The following CSMD1 variants were observed in gnomAD, a reference collection of about 807,000 sequenced individuals.
CSMD1 encodes CUB and sushi domain-containing protein 1.
CSMD1 carries 213 observed loss-of-function variants against 417.5 expected under a neutral mutation model. The observed-to-expected ratio is 0.51, with a 90% CI of 0.46 to 0.57. CSMD1 has a LOEUF of 0.57. CSMD1 is among the 20% of genes least tolerant of loss of function. CSMD1 has a pLI of 0.00. For synonymous variants in CSMD1, 2,862 were observed against 1,736.8 expected (o/e 1.65, Z -16.11); for missense variants, 6,923 against 4,529.7 (o/e 1.53, Z -15.17).
At chr8:4,420,191 T>G (rs1046196332) in intron 2 of CSMD1, 126 bp from the exon 3 acceptor site, 7 of 581,768 alleles carry the variant, frequency 1.2e-5, no homozygotes, top group Admixed American at 5.2e-5. Flanking sequence ...ATTAAACACT[T>G]AGATAATCCA....
At chr8:4,001,189 A>C (rs570679608) in intron 4 of CSMD1, among the ~76,000 whole-genome samples, 2 of 152,350 alleles carry the variant, frequency 1.3e-5, no homozygotes, top group African/African-American at 2.4e-5. Flanking sequence ...CATAGAATAC[A>C]AGTGTATAGA....
At chr8:3,873,374 TA>T (rs375696819) in intron 5 of CSMD1, among the ~76,000 whole-genome samples, 3,087 of 150,830 alleles carry the variant, frequency 0.02, 131 homozygotes, top group African/African-American at 0.071. Flanking sequence ...TATCAAGACA[TA>T]AAAAAAAATG....
intron 4 of CSMD1, among the ~76,000 whole-genome samples, chr8:4,016,637 C>T (rs1348098810): frequency 6.6e-6 from 1 of 152,200 alleles, no homozygotes; most frequent in Non-Finnish European, 1.5e-5. Flanking sequence ...TGACTCTTTG[C>T]TTTGTCTTCT....
chr8:2,950,281 C>T lies in CSMD1; in HGVS notation c.10264G>A (p.Asp3422Asn), dbSNP rs1019368743. 2 of 1,613,358 alleles carry T rather than the reference C, an allele frequency of 1.2e-6. No individual in the cohort carries two copies. Among genetic ancestry groups the T allele is most frequent in the African/African-American group, 2.7e-5 (2 of 74,906 alleles). Residue 3422 changes from aspartate (D) to asparagine (N), a missense_variant, in exon 67 of 70, where the codon GAT (aspartate) becomes AAT (asparagine). Asp to Asn is a conservative substitution (Grantham distance 23, BLOSUM62 1). Transcript: ENST00000635120. ...TTTTCGAACTTGCTTACAAAAATATCTGCCTGGCCTTTAATTTGAAAAGCT... is the reference window on the plus strand; with the variant it reads ...TTTTCGAACTTGCTTACAAAAATATTTGCCTGGCCTTTAATTTGAAAAGCT... The part of the protein sequence containing the change: ...LKAFQIKGQA[D>N]IFVSKFENDN...
At chr8:4,368,058 T>C (rs1048202184) in intron 3 of CSMD1, among the ~76,000 whole-genome samples, 10 of 152,124 alleles carry the variant, frequency 6.6e-5, no homozygotes, top group African/African-American at 2.2e-4. Flanking sequence ...TGTTGAATAG[T>C]GGTCAAAGTG....
intron 3 of CSMD1, among the ~76,000 whole-genome samples, chr8:4,295,006 A>C (rs1797580499): frequency 6.7e-6 from 1 of 149,884 alleles, no homozygotes; most frequent in African/African-American, 2.4e-5. Context: ...AACCCAATCT[A>C]AGGTGTTAAG....
intron 1 of CSMD1, among the ~76,000 whole-genome samples, chr8:4,715,561 C>T (rs1283264575): frequency 6.6e-6 from 1 of 152,116 alleles, no homozygotes; most frequent in Non-Finnish European, 1.5e-5. Context: ...CAACGGTCCA[C>T]CCTGAACTTC....
intron 3 of CSMD1, among the ~76,000 whole-genome samples, chr8:4,081,913 G>C (rs1800155246): frequency 6.6e-6 from 1 of 152,162 alleles, no homozygotes; most frequent in Admixed American, 6.5e-5. Context: ...TCATGGGGGA[G>C]TGTGTAGCTT....
chr8:3,636,732 G>C (rs1174907563), intron 7 of CSMD1, among the ~76,000 whole-genome samples: 2 of 152,198 alleles, frequency 1.3e-5, no homozygotes, highest in African/African-American at 4.8e-5. Context: ...GGAGCAGCTG[G>C]CTCAGCGAGG....
intron 12 of CSMD1, among the ~76,000 whole-genome samples, chr8:3,415,804 T>C (rs919773458): frequency 1.3e-5 from 2 of 152,232 alleles, no homozygotes; most frequent in Admixed American, 1.3e-4. Flanking sequence ...AGTATACAAG[T>C]AATAAATGGA....
chr8:3,395,632 T>C (rs1811645452), intron 17 of CSMD1, among the ~76,000 whole-genome samples: 1 of 152,236 alleles, frequency 6.6e-6, no homozygotes, highest in Non-Finnish European at 1.5e-5. Flanking sequence ...TGTTTAATAA[T>C]TGTTTTAAAG....
chr8:4,012,566 G>A (rs202049570), intron 4 of CSMD1, among the ~76,000 whole-genome samples: 20 of 152,146 alleles, frequency 1.3e-4, no homozygotes, highest in East Asian at 9.7e-4. Context: ...TTATTCAACC[G>A]TCACCACCTC....
At chr8:3,313,601 A>T (rs1213905330) in intron 23 of CSMD1, among the ~76,000 whole-genome samples, 1 of 152,208 alleles carries the variant, frequency 6.6e-6, no homozygotes, top group Non-Finnish European at 1.5e-5. Context: ...GCAATCAATC[A>T]TTAAAAAGTC....
At chr8:4,291,386 C>G (rs1180492145) in intron 3 of CSMD1, among the ~76,000 whole-genome samples, 1 of 152,022 alleles carries the variant, frequency 6.6e-6, no homozygotes. Context: ...ATACTTACAA[C>G]CATGTAAAGT....
chr8:4,076,437 G>C (rs751429941), intron 3 of CSMD1, among the ~76,000 whole-genome samples: 2 of 152,052 alleles, frequency 1.3e-5, no homozygotes, highest in East Asian at 1.9e-4. Flanking sequence ...ACTTTCTCTG[G>C]TTTATGGAAT....
intron 52 of CSMD1, among the ~76,000 whole-genome samples, chr8:3,003,047 C>T (rs964394993): frequency 1.3e-5 from 2 of 152,328 alleles, no homozygotes; most frequent in South Asian, 4.1e-4. Context: ...AGATAGCAAT[C>T]TGTTTTTCAC....
At chr8:4,116,805 C>G (rs916002257) in intron 3 of CSMD1, among the ~76,000 whole-genome samples, 31 of 148,198 alleles carry the variant, frequency 2.1e-4, no homozygotes, top group African/African-American at 7.4e-4. Context: ...CAACCTAAAA[C>G]TACTCTAAAA....
chr8:2,955,069 T>C (rs1301255109), intron 64 of CSMD1, among the ~76,000 whole-genome samples: 2 of 152,242 alleles, frequency 1.3e-5, no homozygotes, highest in Non-Finnish European at 2.9e-5. Flanking sequence ...TTGTAATTAA[T>C]GGATCGTTTC....
intron 3 of CSMD1, among the ~76,000 whole-genome samples, chr8:4,070,814 C>G (rs1799516635): frequency 1.3e-5 from 2 of 152,210 alleles, no homozygotes; most frequent in Non-Finnish European, 2.9e-5. Context: ...TTTTCTGACT[C>G]ACCCTCATTC....
Sources: allele counts gnomAD v4.1 joint callset (sites outside exome capture counted in the v4.1 genomes callset), GRCh38; gene constraint gnomAD v4.1.1; transcripts MANE v1.5; gene names NCBI Gene and HGNC (gene_info 2026-07-23, HGNC 2026-07-21).